The following GRM8 variants were observed in gnomAD, a reference collection of about 807,000 sequenced individuals.
The protein encoded by GRM8 is glutamate metabotropic receptor 8.
Under a neutral mutation model 87.2 loss-of-function variants are expected in GRM8, and 47 were observed. The observed-to-expected ratio is 0.54, with a 90% confidence interval of 0.43 to 0.69. GRM8 has a LOEUF of 0.69. GRM8 is among the 30% of genes least tolerant of loss of function. GRM8 has a pLI of 0.00. For synonymous variants in GRM8, 396 were observed against 404.5 expected (o/e 0.98, Z 0.25); for missense variants, 1,019 against 1,139.2 (o/e 0.89, Z 1.52).
chr7:127,168,876 G>A lies in GRM8; in HGVS notation c.511-62164C>T, dbSNP rs561642050. ...GTCGGGTGGGGGCTGAGGGGCCAGGGGAGGGATAGCATTAGGAGAAATACC... is the reference window on the plus strand; with the variant it reads ...GTCGGGTGGGGGCTGAGGGGCCAGGAGAGGGATAGCATTAGGAGAAATACC... On this transcript the variant is annotated intron_variant, in intron 2 of 10. Coordinates refer to ENST00000339582, the MANE Select transcript of GRM8 (RefSeq NM_000845.3). Among the ~76,000 whole-genome samples the A allele has an allele frequency of 1.3e-5, 2 of 151,960 alleles. 1 individual carries two copies. The highest frequency in any genetic ancestry group is 2.9e-5 in the Non-Finnish European group (2 of 67,994).
At chr7:127,045,936 G>A (rs930008684) in intron 3 of GRM8, among the ~76,000 whole-genome samples, 16 of 152,142 alleles carry the variant, frequency 1.1e-4, no homozygotes, top group African/African-American at 3.9e-4. Flanking sequence ...ACCACAACCA[G>A]TTGATATTTA....
intron 8 of GRM8, among the ~76,000 whole-genome samples, chr7:126,591,273 A>T (rs1030486893): frequency 3.3e-5 from 5 of 152,158 alleles, no homozygotes; most frequent in African/African-American, 1.2e-4. Flanking sequence ...CAGTTAAAAA[A>T]GACAAAGAGG....
At chr7:126,570,786 C>A (rs538534945) in intron 8 of GRM8, among the ~76,000 whole-genome samples, 1 of 152,304 alleles carries the variant, frequency 6.6e-6, no homozygotes, top group South Asian at 2.1e-4. Flanking sequence ...AGCAACAACA[C>A]AATCCAAGAC....
In GRM8 at chr7:127,242,943, T is replaced by C; in HGVS notation, c.262A>G (p.Lys88Glu). ...ATGTTGGAAAGGAGATCAGGGTCCT[T>C]GTTAATCTGGTCAATTGCATAAAGC... ...AMLYAIDQIN[K>E]DPDLLSNITL... The change falls in exon 2 of 11, where the codon AAG (lysine) becomes GAG (glutamate). Residue 88 changes from lysine (K) to glutamate (E), a missense_variant. Physicochemically the swap from Lys to Glu is moderately conservative, Grantham distance 56 (BLOSUM62 1). Coordinates refer to ENST00000339582, the MANE Select transcript of GRM8 (RefSeq NM_000845.3). The C allele has an allele frequency of 1.2e-6, 2 of 1,614,144 alleles. No individual in the cohort carries two copies. Among genetic ancestry groups the C allele is most frequent in the Non-Finnish European group, 1.7e-6 (2 of 1,180,024 alleles).
At chr7:127,081,641 GA>G (rs970646451) in intron 3 of GRM8, among the ~76,000 whole-genome samples, 1 of 152,038 alleles carries the variant, frequency 6.6e-6, no homozygotes, top group Admixed American at 6.5e-5. Context: ...GAGGCAGAGG[GA>G]AAAAGGGAGA....
chr7:127,059,273 C>G (rs1188544243), intron 3 of GRM8, among the ~76,000 whole-genome samples: 3 of 151,786 alleles, frequency 2.0e-5, no homozygotes, highest in Non-Finnish European at 4.4e-5. Flanking sequence ...TAGACTAAAT[C>G]CGTCATTTTG....
chr7:127,244,025 A>C (rs1394996810), intron 1 of GRM8, among the ~76,000 whole-genome samples: 1 of 152,154 alleles, frequency 6.6e-6, no homozygotes, highest in East Asian at 1.9e-4. Context: ...TGAAAGAGAG[A>C]AAGAAATCCA....
intron 3 of GRM8, among the ~76,000 whole-genome samples, chr7:127,086,331 A>ATTAG (rs1418592396): frequency 1.3e-5 from 2 of 152,110 alleles, no homozygotes; most frequent in East Asian, 3.9e-4. Flanking sequence ...CGATCTCCTG[A>ATTAG]CCTCGTGATC....
chr7:127,043,506 A>G (rs1241516268), intron 3 of GRM8, among the ~76,000 whole-genome samples: 1 of 152,216 alleles, frequency 6.6e-6, no homozygotes, highest in Admixed American at 6.5e-5. Flanking sequence ...TCAGCAAACT[A>G]TCACAAGAAC....
At chr7:127,237,614 C>T (rs1409545866) in intron 2 of GRM8, among the ~76,000 whole-genome samples, 1 of 152,190 alleles carries the variant, frequency 6.6e-6, no homozygotes, top group Non-Finnish European at 1.5e-5. Context: ...CAGCACACTT[C>T]CACATAGGGT....
At chr7:127,007,722 A>C (rs1814457374) in intron 3 of GRM8, among the ~76,000 whole-genome samples, 1 of 152,136 alleles carries the variant, frequency 6.6e-6, no homozygotes. Context: ...ATATTAAAAT[A>C]TGTTATCAAG....
chr7:126,500,515 T>C (rs1809480931), intron 9 of GRM8, among the ~76,000 whole-genome samples: 1 of 151,966 alleles, frequency 6.6e-6, no homozygotes, highest in African/African-American at 2.4e-5. Flanking sequence ...CTGGCACAGT[T>C]GGCAGCATTC....
At chr7:126,465,067 T>C (rs1182364140) in intron 9 of GRM8, among the ~76,000 whole-genome samples, 1 of 151,714 alleles carries the variant, frequency 6.6e-6, no homozygotes, top group African/African-American at 2.4e-5. Context: ...CAGCTACATA[T>C]GTTGAAAAAG....
At chr7:126,447,190 T>C (rs1563015614) in intron 9 of GRM8, 1 of 149,086 alleles carries the variant, frequency 6.7e-6, no homozygotes, top group Admixed American at 6.6e-5. Flanking sequence ...GTTAAGAATC[T>C]GAAAAAAAAA....
chr7:127,044,117 C>T (rs1261136740), intron 3 of GRM8, among the ~76,000 whole-genome samples: 2 of 152,194 alleles, frequency 1.3e-5, no homozygotes, highest in Non-Finnish European at 2.9e-5. Context: ...AGTGGGGGCA[C>T]CTGTGGAGGG....
At chr7:126,782,270 T>C (rs2151642447) in intron 6 of GRM8, among the ~76,000 whole-genome samples, 1 of 152,344 alleles carries the variant, frequency 6.6e-6, no homozygotes, top group Admixed American at 6.5e-5. Context: ...AGTCCAATTC[T>C]AGTATTCCAC....
At chr7:126,753,282 T>G (rs1056301445) in intron 7 of GRM8, among the ~76,000 whole-genome samples, 3 of 151,926 alleles carry the variant, frequency 2.0e-5, no homozygotes, top group Admixed American at 6.6e-5. Context: ...ATATTTAAAT[T>G]TTATATATAT....
At chr7:127,043,863 G>A (rs977523539) in intron 3 of GRM8, among the ~76,000 whole-genome samples, 1 of 152,190 alleles carries the variant, frequency 6.6e-6, no homozygotes, top group Non-Finnish European at 1.5e-5. Flanking sequence ...GTAAGGCAAT[G>A]GACTTCTGAA....
intron 7 of GRM8, among the ~76,000 whole-genome samples, chr7:126,741,235 CGT>C (rs60863646): frequency 1.5e-4 from 22 of 150,120 alleles, no homozygotes; most frequent in East Asian, 5.9e-4. Context: ...TGTGTGCGTA[CGT>C]GTGTGTGTGT....
Sources: gnomAD v4.1 joint callset for allele counts (sites outside exome capture counted in the v4.1 genomes callset) on GRCh38, gnomAD v4.1.1 for gene constraint, MANE v1.5 for transcripts, NCBI Gene and HGNC (gene_info 2026-07-23, HGNC 2026-07-21) for gene names.